The following CLIP1 variants were observed in gnomAD, a reference collection of about 807,000 sequenced individuals.
The protein encoded by CLIP1 is CAP-Gly domain containing linker protein 1, also known as CAP-Gly domain-containing linker protein 1.
A neutral mutation model predicts 161.6 loss-of-function variants in CLIP1; 66 were observed. The observed-to-expected ratio is 0.41, with a 90% CI of 0.33 to 0.50. The LOEUF (loss-of-function observed/expected upper bound fraction) is 0.50, where lower values mean the gene tolerates loss of function less well. CLIP1 is among the 20% of genes least tolerant of loss of function. The probability of loss-of-function intolerance (pLI) is 0.27; values close to 1 mark genes in which losing one functional copy is unlikely to be tolerated. For synonymous variants in CLIP1, 598 were observed against 626.2 expected (o/e 0.96, Z 0.67); for missense variants, 1,376 against 1,702.0 (o/e 0.81, Z 3.37).
intron 1 of CLIP1, among the ~76,000 whole-genome samples, chr12:122,408,523 T>C (rs1400134684): frequency 6.6e-6 from 1 of 151,820 alleles, no homozygotes; most frequent in Non-Finnish European, 1.5e-5. Flanking sequence ...TAATTTTTTG[T>C]ATTTTTAGTG....
chr12:122,328,034 T>C lies in CLIP1; in HGVS notation c.3162A>G (p.Thr1054=). ...CCCGTGCGCCCTTCAGCTTGTCCTC[T>C]GTGTCCAGCAGCGTCTTCTGGAGGT... ...LQNLQKTLLD[T]EDKLKGAREE... Residue 1054 remains threonine, a synonymous_variant, in exon 17 of 26, where the codon ACA becomes ACG. Coordinates refer to ENST00000620786, the MANE Select transcript of CLIP1 (RefSeq NM_001247997.2). 6.2e-7 allele frequency: 1 copy of C among 1,614,232 alleles called. No individual in the cohort carries two copies. The highest frequency in any genetic ancestry group is 8.5e-7 in the Non-Finnish European group (1 of 1,180,038).
At chr12:122,408,661 A>G (rs1260588103) in intron 1 of CLIP1, among the ~76,000 whole-genome samples, 1 of 150,902 alleles carries the variant, frequency 6.6e-6, no homozygotes, top group Non-Finnish European at 1.5e-5. Flanking sequence ...TCTGTTTTTA[A>G]GAGACTATGT....
chr12:122,321,612 G>A (rs1279425083), intron 17 of CLIP1, among the ~76,000 whole-genome samples: 1 of 151,986 alleles, frequency 6.6e-6, no homozygotes, highest in Non-Finnish European at 1.5e-5. Flanking sequence ...TCTGCCTCCT[G>A]GGCTCAAGCA....
rs188504882 is a variant in CLIP1 at position 122,411,982 on chromosome 12, T to A, written c.-107+10539A>T. On this transcript the variant is annotated intron_variant, in intron 1 of 25. Transcript: ENST00000620786. ...TAAACTGTATGGCATATGAATTATA[T>A]CTCAATAAAGCTGTTATTTTTTAAA... 6.8e-4 allele frequency among the ~76,000 whole-genome samples: 104 copies of A among 151,926 alleles called. 1 individual carries two copies. Among genetic ancestry groups the A allele is most frequent in the African/African-American group, 2.1e-3 (89 of 41,494 alleles).
chr12:122,352,933 C>A, intron 7 of CLIP1, 147 bp from the exon 8 acceptor site: 1 of 660,704 alleles, frequency 1.5e-6, no homozygotes, highest in Non-Finnish European at 2.7e-6. Flanking sequence ...GCAGGAGGAT[C>A]GCTTGAGGCC....
intron 20 of CLIP1, among the ~76,000 whole-genome samples, chr12:122,288,993 T>A (rs932397290): frequency 2.0e-4 from 30 of 151,062 alleles, no homozygotes; most frequent in Admixed American, 1.3e-4. Flanking sequence ...TTTTTTGTAT[T>A]TTTTAGTAGA....
At chr12:122,401,798 A>T (rs945972452) in intron 1 of CLIP1, among the ~76,000 whole-genome samples, 1 of 152,086 alleles carries the variant, frequency 6.6e-6, no homozygotes, top group Non-Finnish European at 1.5e-5. Flanking sequence ...CAGGAGTTCA[A>T]GACCAGCCTG....
intron 3 of CLIP1, among the ~76,000 whole-genome samples, chr12:122,371,830 C>T (rs987664956): frequency 6.6e-6 from 1 of 152,204 alleles, no homozygotes; most frequent in Non-Finnish European, 1.5e-5. Context: ...CAACGATGAC[C>T]TGCTAAAATG....
intron 1 of CLIP1, among the ~76,000 whole-genome samples, chr12:122,388,790 G>A (rs762895262): frequency 5.9e-5 from 9 of 151,690 alleles, no homozygotes; most frequent in Non-Finnish European, 1.2e-4. Flanking sequence ...GCCCAGGCTG[G>A]TTTTAAACTC....
chr12:122,273,034 A>G lies in CLIP1; in HGVS notation c.4158T>C (p.Asp1386=). Residue 1386 remains aspartate, a synonymous_variant, in exon 26 of 26, where the codon GAT becomes GAC. Transcript: ENST00000620786. ...RLFCDICDCF[D]LHDTEDCPTQ... ...TAGGACAATCCTCTGTGTCGTGGAG[A>G]TCAAAGCAGTCACAAATGTCACAGA... 1 of 1,614,162 alleles carries G rather than the reference A, an allele frequency of 6.2e-7. No homozygotes were observed.
chr12:122,293,879 A>G (rs962573385), intron 20 of CLIP1, among the ~76,000 whole-genome samples: 8 of 147,956 alleles, frequency 5.4e-5, no homozygotes, highest in African/African-American at 1.8e-4. Context: ...ATCTCGGCTC[A>G]CTGCAAGCTC....
Position 122,411,649 on chromosome 12 carries a change from T to G in CLIP1, c.-107+10872A>C, listed in dbSNP as rs572130225. 7.9e-5 allele frequency among the ~76,000 whole-genome samples: 12 copies of G among 152,294 alleles called. No individual in the cohort carries two copies. In the South Asian group the frequency reaches 1.2e-3, roughly 16 times the overall value. The stretch of plus-strand genomic sequence containing the variant: ...GTTAAGCGAAGGAAGCCAGTCATAA[T>G]GTATGATTCCCTTTATAAGAAATGT... On this transcript the variant is annotated intron_variant, in intron 1 of 25. Transcript: ENST00000620786.
At position 122,347,542 on chromosome 12, in the gene CLIP1, G is replaced by C. The variant is rs758574194; in HGVS notation, c.1402-63C>G. On this transcript the variant is annotated intron_variant, in intron 9 of 25. Coordinates refer to ENST00000620786, the MANE Select transcript of CLIP1 (RefSeq NM_001247997.2). Reference sequence around the variant, plus strand: ...GCCACCATGACATGCCAGCACGAGAGGAGAGACAGCGGCATGCAGGCTGAG... The same window carrying C: ...GCCACCATGACATGCCAGCACGAGACGAGAGACAGCGGCATGCAGGCTGAG... 783 of 1,281,770 alleles carry C rather than the reference G, an allele frequency of 6.1e-4. 2 individuals are homozygous for C. The highest frequency in any genetic ancestry group is 8.6e-4 in the Admixed American group (51 of 59,140). 79.4% of individuals were successfully genotyped at this position (1,281,770 alleles called of 1,614,324 possible).
chr12:122,397,694 ACACCTATAATCCCAG>A (rs1955974846), intron 1 of CLIP1, among the ~76,000 whole-genome samples: 1 of 151,892 alleles, frequency 6.6e-6, no homozygotes, highest in African/African-American at 2.4e-5. Context: ...ATGGTGGCTC[ACACCTATAATCCCAG>A]CACTTTGGGA....
intron 1 of CLIP1, among the ~76,000 whole-genome samples, chr12:122,412,734 G>GT (rs933355890): frequency 2.6e-5 from 4 of 151,898 alleles, no homozygotes; most frequent in East Asian, 1.9e-4. Flanking sequence ...TGGATAATTT[G>GT]TTTTTTTCTG....
At chr12:122,290,643 A>G (rs2136311101) in intron 20 of CLIP1, among the ~76,000 whole-genome samples, 1 of 152,242 alleles carries the variant, frequency 6.6e-6, no homozygotes, top group South Asian at 2.1e-4. Flanking sequence ...ATCATTAGTG[A>G]ATATTTGAAA....
Position 122,354,341 on chromosome 12 carries a change from G to T in CLIP1, c.1307+112C>A, listed in dbSNP as rs758381125. 4.4e-6 allele frequency: 3 copies of T among 678,772 alleles called. No homozygotes were observed. The African/African-American group carries it at 5.4e-5, about 12-fold the overall frequency. The allele number at this position is 678,772 out of a possible 1,614,324, so 42.0% of individuals were successfully genotyped here. A position where few individuals can be genotyped will look rare whatever the true frequency, so the allele number is the denominator to read the frequency against. ...ACCTGGGAGGCAGAGGTTGTAGTGA[G>T]CTGAGATTGCACCACTGCACTGCAG... is the stretch of plus-strand genomic sequence containing the variant. On this transcript the variant is annotated intron_variant, in intron 7 of 25. Coordinates refer to ENST00000620786, the MANE Select transcript of CLIP1 (RefSeq NM_001247997.2).
chr12:122,316,748 C>A lies in CLIP1; in HGVS notation c.3473+1G>T. 2 of 1,500,252 alleles carry A rather than the reference C, an allele frequency of 1.3e-6. No individual in the cohort carries two copies. Among genetic ancestry groups the A allele is most frequent in the South Asian group, 1.3e-5 (1 of 79,584 alleles). 92.9% of individuals were successfully genotyped at this position (1,500,252 alleles called of 1,614,324 possible). On this transcript the variant is annotated splice_donor_variant, in intron 19 of 25. Transcript: ENST00000620786. LOFTEE classifies it high-confidence loss of function. Reference sequence around the variant, plus strand: ...TTTTTTCTCAAAGGATAGAAACTTACATTTCTTTCCTAAATTCTTCCATTT... The same window carrying A: ...TTTTTTCTCAAAGGATAGAAACTTAAATTTCTTTCCTAAATTCTTCCATTT...
intron 1 of CLIP1, among the ~76,000 whole-genome samples, chr12:122,407,679 GT>G (rs57963280): frequency 0.022 from 2,823 of 129,062 alleles, 103 homozygotes; most frequent in African/African-American, 0.081. Context: ...GCCTGGATGA[GT>G]TTTTTTTTTT....
Sources: gnomAD v4.1 joint callset for allele counts (sites outside exome capture counted in the v4.1 genomes callset) on GRCh38, gnomAD v4.1.1 for gene constraint, MANE v1.5 for transcripts, NCBI Gene and HGNC (gene_info 2026-07-23, HGNC 2026-07-21) for gene names.